Variants in EPHB1 observed in about 807,000 individuals in gnomAD.
EPHB1 encodes the protein ephrin type-B receptor 1.
Under a neutral mutation model 94.4 loss-of-function variants are expected in EPHB1, and 30 were observed. That is an observed-to-expected ratio of 0.32 (90% confidence interval 0.24 to 0.43). EPHB1 has a LOEUF of 0.43. Ranked by LOEUF, EPHB1 falls within the 20% of genes least tolerant of loss-of-function variation. EPHB1 has a pLI of 1.00. For synonymous variants in EPHB1, 522 were observed against 489.1 expected, an observed-to-expected ratio of 1.07 and a Z score of -0.89; for missense variants, 1,055 against 1,308.3, an observed-to-expected ratio of 0.81 and a Z score of 2.99.
chr3:135,144,806 A>T (rs987426860), intron 5 of EPHB1, among the ~76,000 whole-genome samples: 17 of 152,154 alleles, frequency 1.1e-4, no homozygotes, highest in Non-Finnish European at 2.1e-4. Context: ...TTCAGCCAGG[A>T]TTCTACAACA....
intron 4 of EPHB1, among the ~76,000 whole-genome samples, chr3:135,122,532 G>A (rs559397976): frequency 1.1e-4 from 17 of 152,226 alleles, no homozygotes; most frequent in Non-Finnish European, 1.2e-4. Context: ...TCTCCCGCAT[G>A]GATAGTAACC....
At chr3:135,032,312 C>G (rs962936720) in intron 3 of EPHB1, among the ~76,000 whole-genome samples, 1 of 149,404 alleles carries the variant, frequency 6.7e-6, no homozygotes, top group African/African-American at 2.5e-5. Flanking sequence ...ATTTCTCCTA[C>G]TTCATCATAA....
intron 11 of EPHB1, among the ~76,000 whole-genome samples, chr3:135,194,517 C>G (rs140122169): frequency 6.6e-6 from 1 of 152,070 alleles, no homozygotes; most frequent in African/African-American, 2.4e-5. Context: ...ATATGAAGGC[C>G]GAAGTAAATG....
At chr3:134,977,823 A>T (rs1350807541) in intron 3 of EPHB1, 4 of 356,100 alleles carry the variant, frequency 1.1e-5, no homozygotes, top group Non-Finnish European at 1.6e-5. Flanking sequence ...GCCTGACCCC[A>T]GGAGATGTTG....
At position 135,182,148 on chromosome 3, in the gene EPHB1, C is replaced by G. The variant is rs145810753; in HGVS notation, c.1882+2166C>G. On this transcript the variant is annotated intron_variant, in intron 10 of 15. Transcript: ENST00000398015. ...GGTCCTTTTCTCCTCTACCATCACT[C>G]TCATTTCCCTCATACCCTGCCCCAC... is the stretch of plus-strand genomic sequence containing the variant. Among the ~76,000 whole-genome samples, 8 of 152,326 alleles carry G rather than the reference C, an allele frequency of 5.3e-5. No homozygotes were observed. In the East Asian group the frequency reaches 1.5e-3, roughly 29 times the overall value.
At chr3:135,018,839 C>T (rs1187410038) in intron 3 of EPHB1, among the ~76,000 whole-genome samples, 4 of 152,112 alleles carry the variant, frequency 2.6e-5, no homozygotes, top group Non-Finnish European at 5.9e-5. Flanking sequence ...TCAGTGGCTA[C>T]GATGTGACAG....
intron 3 of EPHB1, among the ~76,000 whole-genome samples, chr3:134,982,326 GA>G (rs1286504399): frequency 1.3e-5 from 2 of 152,146 alleles, no homozygotes; most frequent in African/African-American, 4.8e-5. Flanking sequence ...GAAAGAGAGG[GA>G]AAGAAGAAAG....
chr3:134,919,019 AC>A (rs1403151719), intron 1 of EPHB1, among the ~76,000 whole-genome samples: 33 of 152,332 alleles, frequency 2.2e-4, no homozygotes, highest in Non-Finnish European at 3.8e-4. Flanking sequence ...TGGATGAAAC[AC>A]CAGTTACGAG....
chr3:135,133,063 C>T lies in EPHB1; in HGVS notation c.1297+14C>T. ...CAAACCAAGCCGGTAAGTCTGGAGG[C>T]TTCTGTGCTCCTGTTTGGATGTGTG... On this transcript the variant is annotated intron_variant, in intron 5 of 15. Transcript: ENST00000398015. 1 of 1,562,114 alleles carries T rather than the reference C, an allele frequency of 6.4e-7. No homozygotes were observed. Among genetic ancestry groups the T allele is most frequent in the Non-Finnish European group, 8.7e-7 (1 of 1,148,820 alleles).
intron 3 of EPHB1, among the ~76,000 whole-genome samples, chr3:135,079,972 C>T (rs190548278): frequency 3.2e-4 from 48 of 152,190 alleles, no homozygotes; most frequent in East Asian, 5.8e-4. Context: ...CCTGGCTGGA[C>T]GAAGAGGTGT....
rs562115584 is a variant in EPHB1, at chr3:134,910,147, T to C, written c.59-15669T>C. 3.9e-5 allele frequency among the ~76,000 whole-genome samples: 6 copies of C among 152,302 alleles called. No homozygotes were observed. In the South Asian group the frequency reaches 1.2e-3, roughly 32 times the overall value. The stretch of plus-strand genomic sequence containing the variant: ...TAGGCCTGGGGCATCTGGGTTGTGA[T>C]GTGGAAGTTATCTAGTCCCTAAGGC... On this transcript the variant is annotated intron_variant, in intron 1 of 15. Coordinates refer to ENST00000398015, the MANE Select transcript of EPHB1 (RefSeq NM_004441.5).
At chr3:135,151,731 GA>G (rs1193575088) in intron 5 of EPHB1, among the ~76,000 whole-genome samples, 3 of 152,062 alleles carry the variant, frequency 2.0e-5, no homozygotes, top group Admixed American at 2.0e-4. Context: ...TTGCAGGCAA[GA>G]AAAAATACAC....
intron 12 of EPHB1, among the ~76,000 whole-genome samples, chr3:135,218,843 A>G (rs1308533955): frequency 6.6e-6 from 1 of 152,244 alleles, no homozygotes. Context: ...GGAGAAGCAT[A>G]TATCAAGCGT....
intron 1 of EPHB1, among the ~76,000 whole-genome samples, chr3:134,849,568 G>A (rs2036937263): frequency 6.6e-6 from 1 of 152,148 alleles, no homozygotes; most frequent in African/African-American, 2.4e-5. Context: ...ACTGGCACGT[G>A]GAGCCTGTAG....
intron 1 of EPHB1, among the ~76,000 whole-genome samples, chr3:134,818,603 T>C (rs1193716402): frequency 6.6e-6 from 1 of 152,216 alleles, no homozygotes; most frequent in Middle Eastern, 3.2e-3. Flanking sequence ...CCTCATAGCT[T>C]AGCTCCCACG....
At chr3:134,967,615 C>T (rs1277815388) in intron 3 of EPHB1, among the ~76,000 whole-genome samples, 2 of 152,200 alleles carry the variant, frequency 1.3e-5, no homozygotes, top group African/African-American at 4.8e-5. Context: ...CTTCAGGGCT[C>T]TGCAGAGTCC....
intron 3 of EPHB1, among the ~76,000 whole-genome samples, chr3:134,967,885 A>G (rs1933823148): frequency 6.6e-6 from 1 of 152,192 alleles, no homozygotes; most frequent in Non-Finnish European, 1.5e-5. Context: ...TTCTAAGATG[A>G]GGTCTCAAAG....
intron 1 of EPHB1, among the ~76,000 whole-genome samples, chr3:134,860,150 GAC>G (rs10642036): frequency 1.3e-4 from 19 of 142,920 alleles, no homozygotes; most frequent in East Asian, 6.4e-4. Context: ...AGAAGGAAGG[GAC>G]ACACACACAC....
At chr3:134,817,378 C>T (rs956814747) in intron 1 of EPHB1, among the ~76,000 whole-genome samples, 1 of 152,190 alleles carries the variant, frequency 6.6e-6, no homozygotes, top group Non-Finnish European at 1.5e-5. Flanking sequence ...TCACCCAGCA[C>T]CTGGTTCTCA....
Sources: allele counts gnomAD v4.1 joint callset (sites outside exome capture counted in the v4.1 genomes callset), GRCh38; gene constraint gnomAD v4.1.1; transcripts MANE v1.5; gene names NCBI Gene and HGNC (gene_info 2026-07-23, HGNC 2026-07-21).